Variants in SSUH2 observed in about 807,000 individuals in gnomAD.
The protein encoded by SSUH2 is protein SSUH2 homolog.
In SSUH2, 47 loss-of-function variants were observed where a neutral mutation model predicts 55.3. That is an observed-to-expected ratio of 0.85 (90% CI 0.67 to 1.08). The LOEUF (loss-of-function observed/expected upper bound fraction) is 1.08. Among genes scored for constraint, SSUH2 ranks in the 50% least tolerant of loss-of-function variants. The pLI, the probability that SSUH2 is intolerant of heterozygous loss-of-function variation, is 0.00. For missense variants in SSUH2, 535 were observed against 490.7 expected (o/e 1.09, Z -0.85); for synonymous variants, 212 against 191.5 (o/e 1.11, Z -0.89).
chr3:8,675,626 G>T (rs1480678528), intron 3 of SSUH2, among the ~76,000 whole-genome samples: 1 of 152,168 alleles, frequency 6.6e-6, no homozygotes, highest in South Asian at 2.1e-4. Context: ...GCAATCTAGC[G>T]GAGTCTAAGA....
intron 7 of SSUH2, among the ~76,000 whole-genome samples, chr3:8,656,045 GT>G (rs148541908): frequency 0.022 from 3,276 of 152,230 alleles, 121 homozygotes; most frequent in African/African-American, 0.074. Context: ...GGTTTGTTCT[GT>G]TTTTTAATAA....
chr3:8,637,113 T>C (rs1700046634), intron 1 of SSUH2, among the ~76,000 whole-genome samples: 1 of 152,098 alleles, frequency 6.6e-6, no homozygotes, highest in Non-Finnish European at 1.5e-5. Flanking sequence ...CAATAGAAAA[T>C]ATGACACACT....
rs185955273 is a variant in SSUH2, at chr3:8,676,479, A to T, written c.-753+727T>A. Among the ~76,000 whole-genome samples, 434 of 150,870 alleles carry T rather than the reference A, an allele frequency of 2.9e-3. 11 individuals carry two copies. Among genetic ancestry groups the T allele is most frequent in the Non-Finnish European group, 3.7e-3 (253 of 67,866 alleles). On this transcript the variant is annotated intron_variant, in intron 3 of 18. Transcript: ENST00000317371. Reference sequence around the variant, plus strand: ...TCCACTTTCTGCCATACATGTAGTCATATCACCCCCTCTGCCTTGGAATAT... The same window carrying T: ...TCCACTTTCTGCCATACATGTAGTCTTATCACCCCCTCTGCCTTGGAATAT...
chr3:8,627,961 C>T (rs553606925), intron 7 of SSUH2, among the ~76,000 whole-genome samples, 178 bp from the exon 8 acceptor site: 12 of 152,308 alleles, frequency 7.9e-5, no homozygotes, highest in Admixed American at 3.9e-4. Context: ...CCAGTTGTAG[C>T]TTTCAAAGCC....
At chr3:8,648,323 CGTT>C (rs1701973394), upstream of SSUH2, among the ~76,000 whole-genome samples, 2 of 152,252 alleles carry the variant, frequency 1.3e-5, 1 homozygote, top group African/African-American at 4.8e-5. Flanking sequence ...TGTTATGTGT[CGTT>C]GTAAGAAGCT....
At chr3:8,644,901 C>T (rs1051567120), upstream of SSUH2, 3 of 731,986 alleles carry the variant, frequency 4.1e-6, no homozygotes, top group South Asian at 1.5e-5. Flanking sequence ...ACATCTATAT[C>T]GTTCATCATA....
chr3:8,635,558 C>A (rs1053830874), intron 2 of SSUH2, among the ~76,000 whole-genome samples, 177 bp from the exon 3 acceptor site: 2 of 152,256 alleles, frequency 1.3e-5, no homozygotes, highest in African/African-American at 4.8e-5. Flanking sequence ...TTAGTGGGAC[C>A]TGTCGCAGTC....
chr3:8,673,685 A>T (rs890727092), intron 3 of SSUH2, among the ~76,000 whole-genome samples: 1 of 152,238 alleles, frequency 6.6e-6, no homozygotes, highest in African/African-American at 2.4e-5. Context: ...AAGTGGCTAG[A>T]GGAACATGCA....
At chr3:8,648,926 G>T (rs1467510749), upstream of SSUH2, among the ~76,000 whole-genome samples, 1 of 152,110 alleles carries the variant, frequency 6.6e-6, no homozygotes, top group Non-Finnish European at 1.5e-5. Context: ...GCTTTAGTGA[G>T]TGCTGGGCTG....
chr3:8,668,483 A>G (rs1704201597), intron 5 of SSUH2, among the ~76,000 whole-genome samples: 1 of 152,200 alleles, frequency 6.6e-6, no homozygotes, highest in Admixed American at 6.5e-5. Context: ...GCAGACATCC[A>G]TTATTTCTCT....
At chr3:8,681,138 CT>C (rs1192960856) in intron 1 of SSUH2, among the ~76,000 whole-genome samples, 2 of 100,928 alleles carry the variant, frequency 2.0e-5, no homozygotes, top group Non-Finnish European at 4.7e-5. Flanking sequence ...TCTTCCCCCC[CT>C]GCCTCTTAGG....
intron 9 of SSUH2, among the ~76,000 whole-genome samples, 186 bp from the exon 10 acceptor site, chr3:8,625,833 G>A (rs1697416860): frequency 6.6e-6 from 1 of 152,210 alleles, no homozygotes; most frequent in Non-Finnish European, 1.5e-5. Context: ...GAGAGTGACA[G>A]TTCAGCTCCA....
intron 6 of SSUH2, among the ~76,000 whole-genome samples, chr3:8,660,548 C>A (rs1703376285): frequency 1.3e-5 from 2 of 152,162 alleles, no homozygotes; most frequent in Non-Finnish European, 2.9e-5. Context: ...AACCCCCTGC[C>A]AGAGCAAGAT....
At chr3:8,663,683 A>G (rs1334229084) in intron 6 of SSUH2, 2 of 385,804 alleles carry the variant, frequency 5.2e-6, no homozygotes, top group Admixed American at 3.1e-5. Flanking sequence ...TTAATTGATT[A>G]ACTAACTCAG....
At position 8,657,276 on chromosome 3, in the gene SSUH2, C is replaced by G. The variant is rs75026261; in HGVS notation, c.-307+1649G>C. On this transcript the variant is annotated intron_variant, in intron 7 of 18. Coordinates refer to the SSUH2 transcript ENST00000317371. ...ATCTCAGGCATCTTCACATAACTGA[C>G]ACTGCACTTGATGAGTATTTGTTGA... 6.1e-3 allele frequency among the ~76,000 whole-genome samples: 897 copies of G among 146,632 alleles called. 3 individuals are homozygous for G. The highest frequency in any genetic ancestry group is 0.01 in the Non-Finnish European group (678 of 66,720).
At position 8,625,651 on chromosome 3, in the gene SSUH2, G is replaced by A; in HGVS notation, c.768-4C>T. 6.3e-7 allele frequency: 1 copy of A among 1,596,646 alleles called. No homozygotes were observed. Among genetic ancestry groups the A allele is most frequent in the South Asian group, 1.1e-5 (1 of 90,698 alleles). ...AAACTCAAACAAGCTGTTCTTCCTG[G>A]AGGGAAGGAGGATGAGGGATGAAAG... On this transcript the variant is annotated splice_region_variant and splice_polypyrimidine_tract_variant and intron_variant, in intron 9 of 11. Transcript: ENST00000544814.
chr3:8,659,835 G>C (rs1450371701), intron 6 of SSUH2: 2 of 455,046 alleles, frequency 4.4e-6, no homozygotes, highest in African/African-American at 4.0e-5. Context: ...AGAGAAGGAG[G>C]CAATTAGAAC....
chr3:8,652,344 C>T (rs1211304915), intron 7 of SSUH2, among the ~76,000 whole-genome samples: 1 of 152,188 alleles, frequency 6.6e-6, no homozygotes, highest in Non-Finnish European at 1.5e-5. Flanking sequence ...ACAGAAATGG[C>T]TTTACCATCT....
chr3:8,638,162 C>A (rs1700230652), intron 1 of SSUH2, among the ~76,000 whole-genome samples: 1 of 152,036 alleles, frequency 6.6e-6, no homozygotes, highest in South Asian at 2.1e-4. Flanking sequence ...GGGGCGAAGG[C>A]CCATGCATGT....
Sources: allele counts gnomAD v4.1 joint callset (sites outside exome capture counted in the v4.1 genomes callset), GRCh38; gene constraint gnomAD v4.1.1; transcripts MANE v1.5; gene names NCBI Gene and HGNC (gene_info 2026-07-23, HGNC 2026-07-21).